The following CHRNB2 variants were observed in gnomAD, a reference collection of about 807,000 sequenced individuals.
The protein encoded by CHRNB2 is neuronal acetylcholine receptor subunit beta-2.
CHRNB2 carries 33 observed loss-of-function variants against 42.7 expected under a neutral mutation model. The ratio of observed to expected loss-of-function variants is 0.77; its 90% CI spans 0.59 to 1.03. CHRNB2 has a LOEUF of 1.03. CHRNB2 is among the 50% of genes least tolerant of loss of function. The probability of loss-of-function intolerance (pLI) is 0.00; values close to 1 mark genes in which losing one functional copy is unlikely to be tolerated. For missense variants in CHRNB2, 603 were observed against 700.9 expected (o/e 0.86, Z 1.58); for synonymous variants, 325 against 292.9 (o/e 1.11, Z -1.12).
Position 154,568,048 on chromosome 1 carries a change from G to T in CHRNB2, c.4G>T (p.Ala2Ser), listed in dbSNP as rs2149365730. The change falls in exon 1 of 6, where the codon GCC becomes TCC. Residue 2 changes from alanine to serine, a missense_variant. This residue lies in a region of CHRNB2 where 333 missense variants were observed against 452.6 expected (regional missense o/e 0.74). Transcript: ENST00000368476. M[A>S]RRCGPVALLL... ...GGCAGCGAGCTATGCCCGCGGCATGGCCCGGCGCTGCGGCCCCGTGGCGCT... is the reference window on the plus strand; with the variant it reads ...GGCAGCGAGCTATGCCCGCGGCATGTCCCGGCGCTGCGGCCCCGTGGCGCT... 6.3e-7 allele frequency: 1 copy of T among 1,595,264 alleles called. No homozygotes were observed. Among genetic ancestry groups the T allele is most frequent in the Non-Finnish European group, 8.5e-7 (1 of 1,173,134 alleles).
rs1206903792 is a variant in CHRNB2, at chr1:154,576,048, T to C, written c.*116T>C. ...GAGGGGCGCTGCCCCCACAGATCCA[T>C]CCTTTTGCTTCATCTGGAGTCCCTC... On this transcript the variant is annotated 3_prime_UTR_variant, in exon 6 of 6. Coordinates refer to ENST00000368476, the MANE Select transcript of CHRNB2 (RefSeq NM_000748.3). The C allele has an allele frequency of 7.5e-7, 1 of 1,340,916 alleles. No individual in the cohort carries two copies. The highest frequency in any genetic ancestry group is 1.1e-6 in the Non-Finnish European group (1 of 945,858). 83.1% of individuals were successfully genotyped at this position (1,340,916 alleles called of 1,614,324 possible).
intron 5 of CHRNB2, among the ~76,000 whole-genome samples, chr1:154,573,139 A>T (rs1696209816): frequency 6.6e-6 from 1 of 152,110 alleles, no homozygotes; most frequent in African/African-American, 2.4e-5. Flanking sequence ...GTTGGAGCTG[A>T]AGCTTGGACC....
intron 1 of CHRNB2, 40 bp from the exon 2 acceptor site, chr1:154,569,422 C>G (rs1696120267): frequency 6.2e-7 from 1 of 1,611,678 alleles, no homozygotes; most frequent in East Asian, 2.2e-5. Context: ...GGTGGGCTCT[C>G]CTTGCCTGCT....
Position 154,575,930 on chromosome 1 carries a change from T to G in CHRNB2, c.1507T>G (p.Ter503GlyextTer18), listed in dbSNP as rs1294881320. Residue 503 changes from the stop codon to glycine (G), a stop_lost, in exon 6 of 6, where the codon TGA becomes GGA. Coordinates refer to ENST00000368476, the MANE Select transcript of CHRNB2 (RefSeq NM_000748.3). ...HSDHSAPSSK[*>G] is the part of the protein sequence containing the mutation. Reference sequence around the variant, plus strand: ...AGACCACTCAGCCCCCAGCTCCAAGTGAGGCCCTTCCTCATCTCCATGCTC... The same window carrying G: ...AGACCACTCAGCCCCCAGCTCCAAGGGAGGCCCTTCCTCATCTCCATGCTC... The G allele has an allele frequency of 6.2e-7, 1 of 1,614,158 alleles. No individual in the cohort carries two copies. Among genetic ancestry groups the G allele is most frequent in the East Asian group, 2.2e-5 (1 of 44,884 alleles).
At chr1:154,568,449 G>A (rs1252701153) in intron 1 of CHRNB2, among the ~76,000 whole-genome samples, 2 of 152,176 alleles carry the variant, frequency 1.3e-5, no homozygotes, top group African/African-American at 4.8e-5. Context: ...GCGCTAAGAT[G>A]CCATCTGACT....
In CHRNB2 at chr1:154,568,071, G is replaced by GCTGCT. The variant is rs1557850230; in HGVS notation, c.29_33dup (p.Leu12CysfsTer47). ...TGGCCCGGCGCTGCGGCCCCGTGGC[G>GCTGCT]CTGCTCCTTGGCTTCGGCCTCCTCC... On this transcript the variant is annotated frameshift_variant, in exon 1 of 6. Transcript: ENST00000368476. LOFTEE classifies it high-confidence loss of function. The GCTGCT allele has an allele frequency of 6.2e-7, 1 of 1,603,330 alleles. No individual in the cohort carries two copies. The highest frequency in any genetic ancestry group is 1.1e-5 in the South Asian group (1 of 89,220).
At position 154,577,762 on chromosome 1, in the gene CHRNB2, G is replaced by C. The variant is rs1271310936; in HGVS notation, c.*1830G>C. On this transcript the variant is annotated 3_prime_UTR_variant, in exon 6 of 6. Transcript: ENST00000368476. Reference sequence around the variant, plus strand: ...TGGGGGAGCTGGGAGGAACATTACAGGAACACCAGAGGGAGTCTAGCGGGT... The same window carrying C: ...TGGGGGAGCTGGGAGGAACATTACACGAACACCAGAGGGAGTCTAGCGGGT... 2 of 152,234 alleles carry C rather than the reference G, an allele frequency of 1.3e-5. No individual in the cohort carries two copies. Among genetic ancestry groups the C allele is most frequent in the African/African-American group, 4.8e-5 (2 of 41,428 alleles). The allele number at this position is 152,234 out of a possible 1,614,324, so 9.4% of individuals were successfully genotyped here. A position where few individuals can be genotyped will look rare whatever the true frequency, so the allele number is the denominator to read the frequency against.
At position 154,576,980 on chromosome 1, in the gene CHRNB2, C is replaced by T. The variant is rs1379592956; in HGVS notation, c.*1048C>T. Reference sequence around the variant, plus strand: ...TGAACTGAGGATGTTAGCTTTAAGCCAACCCAGCCTCTTTGTCCACAGCAG... The same window carrying T: ...TGAACTGAGGATGTTAGCTTTAAGCTAACCCAGCCTCTTTGTCCACAGCAG... On this transcript the variant is annotated 3_prime_UTR_variant, in exon 6 of 6. Coordinates refer to ENST00000368476, the MANE Select transcript of CHRNB2 (RefSeq NM_000748.3). The T allele has an allele frequency of 8.5e-5, 13 of 152,246 alleles. No homozygotes were observed. The highest frequency in any genetic ancestry group is 3.1e-4 in the African/African-American group (13 of 41,452). The allele number at this position is 152,246 out of a possible 1,614,324, so 9.4% of individuals were successfully genotyped here. A position where few individuals can be genotyped will look rare whatever the true frequency, so the allele number is the denominator to read the frequency against.
At position 154,576,404 on chromosome 1, in the gene CHRNB2, G is replaced by A. The variant is rs2072661; in HGVS notation, c.*472G>A. 65,618 of 269,082 alleles carry A rather than the reference G, an allele frequency of 0.24. 8,021 individuals carry two copies. Among genetic ancestry groups the A allele is most frequent in the African/African-American group, 0.28 (12,782 of 45,604 alleles). 16.7% of individuals were successfully genotyped at this position (269,082 alleles called of 1,614,324 possible). A position where few individuals can be genotyped will look rare whatever the true frequency, so the allele number is the denominator to read the frequency against. On this transcript the variant is annotated 3_prime_UTR_variant, in exon 6 of 6. Coordinates refer to ENST00000368476, the MANE Select transcript of CHRNB2 (RefSeq NM_000748.3). ...GGGAGGGGAAGAGAGAGGCCTGGGT[G>A]TGACCTGACACCTGCCGCTGCTTGA...
Position 154,576,241 on chromosome 1 carries a change from G to A in CHRNB2, c.*309G>A, listed in dbSNP as rs1696274798. On this transcript the variant is annotated 3_prime_UTR_variant, in exon 6 of 6. Coordinates refer to ENST00000368476, the MANE Select transcript of CHRNB2 (RefSeq NM_000748.3). ...ATGGCAGAGCCATCCACCCTGAGGA[G>A]TGATGGGCAAGGGGCCAGGAAGGGG... The A allele has an allele frequency of 6.4e-6, 3 of 467,638 alleles. No homozygotes were observed. The highest frequency in any genetic ancestry group is 3.4e-5 in the Admixed American group (1 of 29,546). The allele number at this position is 467,638 out of a possible 1,614,324, so 29.0% of individuals were successfully genotyped here. A position where few individuals can be genotyped will look rare whatever the true frequency, so the allele number is the denominator to read the frequency against.
At chr1:154,570,237 C>G in intron 3 of CHRNB2, 21 bp from the exon 4 acceptor site, 7 of 1,544,704 alleles carry the variant, frequency 4.5e-6, no homozygotes, top group Non-Finnish European at 5.3e-6. Context: ...GTTGGTACTG[C>G]CTCCCTCTCT....
chr1:154,571,500 A>G lies in CHRNB2; in HGVS notation c.677A>G (p.Tyr226Cys). ...GACTCTACGTACGTGGACATCACGT[A>G]TGACTTCATCATTCGCCGCAAGCCG... ...PDDSTYVDIT[Y>C]DFIIRRKPLF... The change falls in exon 5 of 6, where the codon TAT (tyrosine) becomes TGT (cysteine). Residue 226 changes from tyrosine (Y) to cysteine (C), a missense_variant. Coordinates refer to ENST00000368476, the MANE Select transcript of CHRNB2 (RefSeq NM_000748.3). The surrounding 1 kb of genome is among the most constrained non-coding windows in gnomAD (Gnocchi z 6.8). 6.2e-7 allele frequency: 1 copy of G among 1,613,986 alleles called. No individual in the cohort carries two copies. Among genetic ancestry groups the G allele is most frequent in the African/African-American group, 1.3e-5 (1 of 75,000 alleles).
chr1:154,573,621 C>T (rs775801759), intron 5 of CHRNB2, among the ~76,000 whole-genome samples: 7 of 152,174 alleles, frequency 4.6e-5, no homozygotes, highest in Non-Finnish European at 8.8e-5. Context: ...TCTTGCCTGG[C>T]CTAGGGCAGA....
chr1:154,569,025 C>T (rs1359974356), intron 1 of CHRNB2, among the ~76,000 whole-genome samples: 1 of 151,546 alleles, frequency 6.6e-6, no homozygotes, highest in Non-Finnish European at 1.5e-5. Context: ...ACTTTCTCCT[C>T]AATCGGCAGG....
chr1:154,572,229 G>T, intron 5 of CHRNB2, 68 bp downstream of exon 5: 1 of 1,531,796 alleles, frequency 6.5e-7, no homozygotes, highest in Non-Finnish European at 8.7e-7. Flanking sequence ...TATCTGGAAA[G>T]CAGCGGCGTT....
rs908606051 is a variant in CHRNB2, at chr1:154,578,226, G to C, written c.*2294G>C. On this transcript the variant is annotated 3_prime_UTR_variant, in exon 6 of 6. Coordinates refer to ENST00000368476, the MANE Select transcript of CHRNB2 (RefSeq NM_000748.3). The stretch of plus-strand genomic sequence containing the variant: ...GAGGCCCTCCCTCTTGGCTCTCCCA[G>C]GGCCTGGGCTACCCCGAGGCCCCAG... The C allele has an allele frequency of 6.6e-6, 1 of 152,290 alleles. No homozygotes were observed. Among genetic ancestry groups the C allele is most frequent in the Non-Finnish European group, 1.5e-5 (1 of 68,082 alleles). 9.4% of individuals were successfully genotyped at this position (152,290 alleles called of 1,614,324 possible).
intron 1 of CHRNB2, among the ~76,000 whole-genome samples, chr1:154,568,730 TG>T (rs1201323695): frequency 6.6e-6 from 1 of 151,730 alleles, no homozygotes; most frequent in African/African-American, 2.4e-5. Flanking sequence ...GGGGATGCAG[TG>T]TGCCGGGGAG....
intron 1 of CHRNB2, among the ~76,000 whole-genome samples, chr1:154,568,486 G>C (rs943606150): frequency 6.6e-6 from 1 of 152,086 alleles, no homozygotes; most frequent in African/African-American, 2.4e-5. Flanking sequence ...CTCAAGAAAG[G>C]TACCTGGACC....
In CHRNB2 at chr1:154,577,502, A is replaced by G. The variant is rs1156918582; in HGVS notation, c.*1570A>G. The G allele has an allele frequency of 1.3e-5, 2 of 152,254 alleles. No homozygotes were observed. The highest frequency in any genetic ancestry group is 1.9e-4 in the East Asian group (1 of 5,196). The allele number at this position is 152,254 out of a possible 1,614,324, so 9.4% of individuals were successfully genotyped here. The stretch of plus-strand genomic sequence containing the variant: ...TTGCTAGAGCTCAGCTTCCTTGCCT[A>G]TAAAACGTAGGTGGCAATGCCCTCT... On this transcript the variant is annotated 3_prime_UTR_variant, in exon 6 of 6. Transcript: ENST00000368476.
Sources: allele counts gnomAD v4.1 joint callset (sites outside exome capture counted in the v4.1 genomes callset), GRCh38; gene constraint gnomAD v4.1.1; regional missense constraint gnomAD v4.1.1; non-coding constraint Gnocchi (gnomAD v3.1); transcripts MANE v1.5; gene names NCBI Gene and HGNC (gene_info 2026-07-23, HGNC 2026-07-21).